The following GATAD2A variants were observed in gnomAD, a reference collection of about 807,000 sequenced individuals.
GATAD2A encodes transcriptional repressor p66-alpha.
GATAD2A carries 12 observed loss-of-function variants against 68.5 expected under a neutral mutation model. The observed-to-expected ratio is 0.18, with a 90% confidence interval of 0.11 to 0.28. The LOEUF is 0.28. GATAD2A is among the 10% of genes least tolerant of loss of function. The pLI is 1.00. For missense variants in GATAD2A, 755 were observed against 868.5 expected (o/e 0.87, Z 1.64); for synonymous variants, 410 against 375.3 (o/e 1.09, Z -1.07).
intron 11 of GATAD2A, among the ~76,000 whole-genome samples, chr19:19,504,024 T>A (rs770164924): frequency 6.6e-6 from 1 of 151,894 alleles, no homozygotes; most frequent in East Asian, 2.0e-4. Flanking sequence ...CTGGGCAACA[T>A]GGTGAGACCT....
intron 1 of GATAD2A, among the ~76,000 whole-genome samples, chr19:19,448,441 A>G (rs974554158): frequency 6.6e-6 from 1 of 152,254 alleles, no homozygotes; most frequent in Non-Finnish European, 1.5e-5. Context: ...CACAGAAACC[A>G]AGTCCTGATC....
intron 11 of GATAD2A, among the ~76,000 whole-genome samples, chr19:19,502,867 C>A (rs1382384170): frequency 6.6e-6 from 1 of 152,216 alleles, no homozygotes; most frequent in Non-Finnish European, 1.5e-5. Context: ...CAGGGTCCCC[C>A]TTTTCTCTTT....
intron 2 of GATAD2A, among the ~76,000 whole-genome samples, chr19:19,479,139 C>T (rs2058879837): frequency 6.6e-6 from 1 of 152,178 alleles, no homozygotes; most frequent in Non-Finnish European, 1.5e-5. Context: ...AGTGGCTAGT[C>T]TCTACTGGTG....
At chr19:19,504,941 G>A (rs548444526) in intron 11 of GATAD2A, among the ~76,000 whole-genome samples, 1 of 152,262 alleles carries the variant, frequency 6.6e-6, no homozygotes, top group African/African-American at 2.4e-5. Flanking sequence ...TCCGTGCCCA[G>A]CTAAGATAGT....
intron 1 of GATAD2A, among the ~76,000 whole-genome samples, chr19:19,462,202 C>T (rs548574726): frequency 4.6e-5 from 7 of 152,334 alleles, no homozygotes; most frequent in African/African-American, 1.2e-4. Context: ...GTGCGGTGGC[C>T]GCCAGCCCTG....
At chr19:19,408,468 A>G (rs908390170) in intron 1 of GATAD2A, among the ~76,000 whole-genome samples, 16 of 152,354 alleles carry the variant, frequency 1.1e-4, no homozygotes, top group Admixed American at 4.6e-4. Flanking sequence ...AAAGGTCTCT[A>G]CATTAGGATT....
rs367940666 is a variant in GATAD2A at position 19,434,009 on chromosome 19, T to C, written c.-7+27990T>C. Reference sequence around the variant, plus strand: ...GCTGGCCTTGAACTCCTGAGCTCAATTGATCTGCCTGCCATGGCCTCCCAA... The same window carrying C: ...GCTGGCCTTGAACTCCTGAGCTCAACTGATCTGCCTGCCATGGCCTCCCAA... On this transcript the variant is annotated intron_variant, in intron 1 of 11. Transcript: ENST00000683918. Among the ~76,000 whole-genome samples the C allele has an allele frequency of 2.1e-3, 323 of 152,332 alleles. 2 individuals carry two copies. The highest frequency in any genetic ancestry group is 0.016 in the South Asian group (78 of 4,828).
rs200171655 is a variant in GATAD2A at position 19,494,335 on chromosome 19, G to T, written c.576G>T (p.Pro192=). ...GGAGCACCGTGACCACCCCTCCCCC[G>T]CTTGTTCGGGGCACTCAGAACATTC... ...SVGSTVTTPP[P]LVRGTQNIPA... The change falls in exon 5 of 12, where the codon CCG becomes CCT. Residue 192 remains proline (P), a synonymous_variant. Transcript: ENST00000683918. 6.2e-7 allele frequency: 1 copy of T among 1,612,900 alleles called. No homozygotes were observed.
chr19:19,474,034 C>T (rs1164873532), intron 2 of GATAD2A: 1 of 984,932 alleles, frequency 1.0e-6, no homozygotes, highest in East Asian at 1.1e-4. Context: ...TCTTCCTAGA[C>T]ATCCAGCCAC....
intron 1 of GATAD2A, among the ~76,000 whole-genome samples, chr19:19,456,386 C>A (rs907276044): frequency 6.6e-6 from 1 of 152,082 alleles, no homozygotes; most frequent in Non-Finnish European, 1.5e-5. Flanking sequence ...CACCCATGCT[C>A]ACGGCAAGCA....
intron 1 of GATAD2A, among the ~76,000 whole-genome samples, chr19:19,451,096 T>A (rs1003283423): frequency 6.6e-6 from 1 of 150,834 alleles, no homozygotes; most frequent in Non-Finnish European, 1.5e-5. Context: ...AAAAGTGGGG[T>A]GGGCGTGGTG....
chr19:19,424,682 A>C (rs2052854030), intron 1 of GATAD2A, among the ~76,000 whole-genome samples: 1 of 152,040 alleles, frequency 6.6e-6, no homozygotes, highest in African/African-American at 2.4e-5. Flanking sequence ...CTGGCGCTTT[A>C]CTTTTGACCA....
chr19:19,427,079 T>G (rs1169626351), intron 1 of GATAD2A, among the ~76,000 whole-genome samples: 47 of 151,280 alleles, frequency 3.1e-4, no homozygotes, highest in Admixed American at 3.1e-3. Context: ...ATGAGGTTCC[T>G]AGACTCTCAA....
intron 2 of GATAD2A, among the ~76,000 whole-genome samples, chr19:19,484,506 ATTTTTCTTTTTCTT>A (rs1456401493): frequency 7.3e-5 from 9 of 123,436 alleles, no homozygotes; most frequent in Non-Finnish European, 1.4e-4. Context: ...CTGTCACAGG[ATTTTTCTTTTTCTT>A]TTTTTTTTTT....
rs372351244 is a variant in GATAD2A, at chr19:19,472,898, T to C, written c.269+7284T>C. Reference sequence around the variant, plus strand: ...GTATGCCAGGTACTATGCTGATCTCTGGTAGAGAGGTAATCAAGACAGGAT... The same window carrying C: ...GTATGCCAGGTACTATGCTGATCTCCGGTAGAGAGGTAATCAAGACAGGAT... On this transcript the variant is annotated intron_variant, in intron 2 of 11. Coordinates refer to ENST00000683918, the MANE Select transcript of GATAD2A (RefSeq NM_001384528.1). Among the ~76,000 whole-genome samples, 18 of 152,348 alleles carry C rather than the reference T, an allele frequency of 1.2e-4. No individual in the cohort carries two copies. In the East Asian group the frequency reaches 3.3e-3, roughly 28 times the overall value.
chr19:19,441,360 G>A (rs1213026742), intron 1 of GATAD2A, among the ~76,000 whole-genome samples: 2 of 151,860 alleles, frequency 1.3e-5, no homozygotes, highest in Non-Finnish European at 2.9e-5. Flanking sequence ...AAAGGAAAAT[G>A]CAATAAAAAC....
At chr19:19,473,500 T>C (rs1237314876) in intron 2 of GATAD2A, among the ~76,000 whole-genome samples, 2 of 152,166 alleles carry the variant, frequency 1.3e-5, no homozygotes, top group African/African-American at 4.8e-5. Flanking sequence ...CCGTTGTCTT[T>C]CTTTTTAGAC....
chr19:19,434,411 T>C (rs989245198), intron 1 of GATAD2A, among the ~76,000 whole-genome samples: 1 of 152,202 alleles, frequency 6.6e-6, no homozygotes, highest in Admixed American at 6.5e-5. Context: ...CTGTGCCTCA[T>C]TTAGGAGGTG....
At chr19:19,474,900 G>A (rs550282510) in intron 2 of GATAD2A, among the ~76,000 whole-genome samples, 1 of 152,290 alleles carries the variant, frequency 6.6e-6, no homozygotes, top group South Asian at 2.1e-4. Context: ...TCCAGACTTG[G>A]CCTACACGTG....
Sources: allele counts gnomAD v4.1 joint callset (sites outside exome capture counted in the v4.1 genomes callset), GRCh38; gene constraint gnomAD v4.1.1; transcripts MANE v1.5; gene names NCBI Gene and HGNC (gene_info 2026-07-23, HGNC 2026-07-21).